Variants in RADX observed in about 807,000 individuals in gnomAD.
The protein encoded by RADX is RPA1 related single stranded DNA binding protein, X-linked.
A neutral mutation model predicts 61.6 loss-of-function variants in RADX; 36 were observed. That is an observed-to-expected ratio of 0.58 (90% CI 0.45 to 0.77). The LOEUF (loss-of-function observed/expected upper bound fraction) is 0.77, where lower values mean the gene tolerates loss of function less well. Ranked by LOEUF, RADX falls within the 30% of genes least tolerant of loss-of-function variation. RADX has a pLI of 0.00. For synonymous variants in RADX, 272 were observed against 237.9 expected (o/e 1.14, Z -1.32); for missense variants, 497 against 651.1 (o/e 0.76, Z 2.58).
Position 106,673,672 on chromosome X carries a change from C to G in RADX, c.2437+4342C>G, listed in dbSNP as rs1053961989. Among the ~76,000 whole-genome samples, 5 of 101,998 alleles carry G rather than the reference C, an allele frequency of 4.9e-5. 1 individual carries two copies. In the South Asian group the frequency reaches 2.2e-3, roughly 44 times the overall value. 88.6% of individuals were successfully genotyped at this position (101,998 alleles called of 115,157 possible). ...CTGATGTCTCAGTAGGTTGTGTCTC[C>G]CCCCCATCCCCCCCCACACACACAC... is the stretch of plus-strand genomic sequence containing the variant. On this transcript the variant is annotated intron_variant, in intron 13 of 13. Transcript: ENST00000372548.
chrX:106,654,026 A>C (rs1280839132), intron 11 of RADX, among the ~76,000 whole-genome samples: 1 of 111,862 alleles, frequency 8.9e-6, no homozygotes, highest in Non-Finnish European at 1.9e-5. Context: ...TAGTAGAATA[A>C]TTTATAATCC....
At position 106,612,742 on chromosome X, in the gene RADX, C is replaced by T; in HGVS notation, c.643+19C>T. 4 of 1,157,194 alleles carry T rather than the reference C, an allele frequency of 3.5e-6. No homozygotes were observed. Among genetic ancestry groups the T allele is most frequent in the Admixed American group, 2.9e-5 (1 of 34,543 alleles). ...TTTAGCGGTAAGTGTTTGGAAAGAACGGCAGAGGGTTTTAAAAAAAATAGT... is the reference window on the plus strand; with the variant it reads ...TTTAGCGGTAAGTGTTTGGAAAGAATGGCAGAGGGTTTTAAAAAAAATAGT... On this transcript the variant is annotated intron_variant, in intron 1 of 13. Transcript: ENST00000372548.
At chrX:106,615,114 C>T (rs768059539) in intron 1 of RADX, among the ~76,000 whole-genome samples, 34 of 112,003 alleles carry the variant, frequency 3.0e-4, no homozygotes, top group African/African-American at 9.7e-4. Context: ...TGCATTTAGG[C>T]AGCAACCCAA....
At chrX:106,617,530 G>A (rs1205285492) in intron 1 of RADX, among the ~76,000 whole-genome samples, 1 of 111,279 alleles carries the variant, frequency 9.0e-6, no homozygotes, top group Non-Finnish European at 1.9e-5. Context: ...TTTCTAAAAG[G>A]TTTTGCTTTA....
chrX:106,618,948 A>G (rs1030795070), intron 1 of RADX, among the ~76,000 whole-genome samples: 23 of 112,101 alleles, frequency 2.1e-4, no homozygotes, highest in African/African-American at 7.5e-4. Flanking sequence ...TAAGAGATCA[A>G]TTTAATTTAT....
At chrX:106,652,665 T>C (rs1276676763) in intron 11 of RADX, among the ~76,000 whole-genome samples, 3 of 102,759 alleles carry the variant, frequency 2.9e-5, no homozygotes, top group Non-Finnish European at 4.0e-5. Context: ...CTTAAAATAA[T>C]AGAACAAGGA....
At chrX:106,652,695 G>GCGCA (rs371327236) in intron 11 of RADX, among the ~76,000 whole-genome samples, 2 of 97,005 alleles carry the variant, frequency 2.1e-5, no homozygotes, top group East Asian at 6.5e-4. Context: ...ATCATTAAAT[G>GCGCA]CACACACACA....
At chrX:106,666,422 G>A (rs192620118) in intron 12 of RADX, among the ~76,000 whole-genome samples, 1 of 111,784 alleles carries the variant, frequency 8.9e-6, no homozygotes, top group African/African-American at 3.2e-5. Context: ...CCCAATAATA[G>A]CATTAATTGG....
chrX:106,658,390 C>T (rs370426768), intron 11 of RADX, among the ~76,000 whole-genome samples: 1 of 111,530 alleles, frequency 9.0e-6, no homozygotes, highest in African/African-American at 3.3e-5. Context: ...TCATGCACCT[C>T]CCCACTTTGT....
chrX:106,625,402 T>A, intron 3 of RADX, 120 bp downstream of exon 3: 1 of 385,940 alleles, frequency 2.6e-6, no homozygotes, highest in Non-Finnish European at 4.2e-6. Flanking sequence ...ATGAAACCTT[T>A]AAATTTATTT....
chrX:106,633,620 G>C (rs1240560701), intron 6 of RADX, among the ~76,000 whole-genome samples: 2 of 111,588 alleles, frequency 1.8e-5, no homozygotes, highest in Non-Finnish European at 3.8e-5. Context: ...TAAAGACATC[G>C]AAGACTTATA....
At chrX:106,668,385 T>C (rs752509472) in intron 12 of RADX, among the ~76,000 whole-genome samples, 1 of 112,290 alleles carries the variant, frequency 8.9e-6, no homozygotes, top group South Asian at 3.7e-4. Context: ...GTTTTGAAGC[T>C]GTGCTCTGTG....
Position 106,679,131 on chromosome X carries a change from T to A in RADX, c.*873T>A, listed in dbSNP as rs1928584663. 1 of 112,184 alleles carries A rather than the reference T, an allele frequency of 8.9e-6. No individual in the cohort carries two copies. Among genetic ancestry groups the A allele is most frequent in the South Asian group, 3.7e-4 (1 of 2,701 alleles). 9.2% of individuals were successfully genotyped at this position (112,184 alleles called of 1,213,427 possible). ...CATTTGCAAGGCCCGGTGGTTGACATCTGTGTGGTTTGTTAGATGAGACAA... is the reference window on the plus strand; with the variant it reads ...CATTTGCAAGGCCCGGTGGTTGACAACTGTGTGGTTTGTTAGATGAGACAA... On this transcript the variant is annotated 3_prime_UTR_variant, in exon 14 of 14. Transcript: ENST00000372548.
intron 11 of RADX, among the ~76,000 whole-genome samples, chrX:106,659,943 A>C (rs189524546): frequency 1.8e-3 from 200 of 112,178 alleles, no homozygotes; most frequent in Admixed American, 5.5e-3. Context: ...ATTGTTTTCT[A>C]TAAGGTAGAT....
At chrX:106,632,469 A>G (rs1271966844) in intron 3 of RADX, among the ~76,000 whole-genome samples, 156 bp from the exon 4 acceptor site, 5 of 111,708 alleles carry the variant, frequency 4.5e-5, no homozygotes, top group Admixed American at 2.9e-4. Flanking sequence ...AGTGGATGTG[A>G]TAATGGAGGT....
chrX:106,658,118 T>C (rs963854407), intron 11 of RADX, among the ~76,000 whole-genome samples: 4 of 111,729 alleles, frequency 3.6e-5, no homozygotes, highest in African/African-American at 1.3e-4. Flanking sequence ...CCCAACCATA[T>C]ACCATCTAAA....
Position 106,678,293 on chromosome X carries a change from G to A in RADX, c.*35G>A. ...AATGAAATTATTACAGATTATACGA[G>A]TGTACTGCTTTAAAGATATTCCATC... is the stretch of plus-strand genomic sequence containing the variant. On this transcript the variant is annotated 3_prime_UTR_variant, in exon 14 of 14. Transcript: ENST00000372548. 7.0e-6 allele frequency: 7 copies of A among 1,007,022 alleles called. No individual in the cohort carries two copies. Among genetic ancestry groups the A allele is most frequent in the Non-Finnish European group, 9.7e-6 (7 of 723,949 alleles). 83.0% of individuals were successfully genotyped at this position (1,007,022 alleles called of 1,213,427 possible).
At chrX:106,655,947 A>T (rs1251313556) in intron 11 of RADX, among the ~76,000 whole-genome samples, 1 of 111,984 alleles carries the variant, frequency 8.9e-6, no homozygotes, top group East Asian at 2.8e-4. Flanking sequence ...ACAGCAATAA[A>T]TTTTGCCACA....
At chrX:106,673,364 A>T (rs1003923999) in intron 13 of RADX, among the ~76,000 whole-genome samples, 3 of 109,999 alleles carry the variant, frequency 2.7e-5, no homozygotes, top group Admixed American at 9.7e-5. Flanking sequence ...CCAGGATTGG[A>T]TCCTTTCCTT....
Sources: allele counts gnomAD v4.1 joint callset (sites outside exome capture counted in the v4.1 genomes callset), GRCh38; gene constraint gnomAD v4.1.1; transcripts MANE v1.5; gene names NCBI Gene and HGNC (gene_info 2026-07-23, HGNC 2026-07-21).